The following SMYD4 variants were observed in gnomAD, a reference collection of about 807,000 sequenced individuals.
SMYD4 encodes the protein SET and MYND domain containing 4, also known as protein-lysine N-methyltransferase SMYD4.
A neutral mutation model predicts 72.8 loss-of-function variants in SMYD4; 68 were observed. The observed-to-expected ratio is 0.93, with a 90% CI of 0.77 to 1.14. The LOEUF (loss-of-function observed/expected upper bound fraction) is 1.14. Ranked by LOEUF, SMYD4 falls within the 50% of genes most tolerant of loss-of-function variation. SMYD4 has a pLI of 0.00. For missense variants in SMYD4, 984 were observed against 1,003.7 expected (o/e 0.98, Z 0.27); for synonymous variants, 407 against 388.6 (o/e 1.05, Z -0.56).
In SMYD4 at chr17:1,794,039, A is replaced by ATATATATGTG. The variant is rs1567770772; in HGVS notation, c.1537+5817_1537+5818insCACATATATA. 3.8e-3 allele frequency among the ~76,000 whole-genome samples: 260 copies of ATATATATGTG among 68,024 alleles called. 14 individuals carry two copies. Among genetic ancestry groups the ATATATATGTG allele is most frequent in the African/African-American group, 0.022 (248 of 11,424 alleles). 44.6% of individuals were successfully genotyped at this position (68,024 alleles called of 152,430 possible). A position where few individuals can be genotyped will look rare whatever the true frequency, so the allele number is the denominator to read the frequency against. On this transcript the variant is annotated intron_variant, in intron 5 of 10. Transcript: ENST00000305513. ...TATATATGTGTGTATATATATATGT[A>ATATATATGTG]TGTATATATATATGTGTGTATATAT... is the stretch of plus-strand genomic sequence containing the variant.
chr17:1,824,725 T>C (rs113203384), intron 2 of SMYD4, among the ~76,000 whole-genome samples: 2,800 of 152,246 alleles, frequency 0.018, 108 homozygotes, highest in African/African-American at 0.064. Context: ...GTTCAAGCAA[T>C]TCTCCTGTCT....
intron 2 of SMYD4, among the ~76,000 whole-genome samples, chr17:1,815,737 T>G (rs1009420584): frequency 6.6e-6 from 1 of 151,318 alleles, no homozygotes; most frequent in Non-Finnish European, 1.5e-5. Flanking sequence ...TCTCGCTCTG[T>G]CACCGAGGCT....
chr17:1,825,025 T>A (rs994042013), intron 2 of SMYD4, among the ~76,000 whole-genome samples: 1 of 152,210 alleles, frequency 6.6e-6, no homozygotes, highest in Non-Finnish European at 1.5e-5. Flanking sequence ...TCTTCCACCA[T>A]GATGGTAAGT....
At chr17:1,827,068 G>T (rs559991960) in intron 2 of SMYD4, among the ~76,000 whole-genome samples, 1 of 152,184 alleles carries the variant, frequency 6.6e-6, no homozygotes, top group South Asian at 2.1e-4. Context: ...CATGAGAATC[G>T]CTTGAACCCA....
chr17:1,784,564 G>T, intron 7 of SMYD4, 103 bp from the exon 8 acceptor site: 1 of 1,528,928 alleles, frequency 6.5e-7, no homozygotes, highest in Non-Finnish European at 8.8e-7. Flanking sequence ...CCTCATGGGG[G>T]AAAGAGACTC....
chr17:1,813,862 A>T (rs939669019), intron 2 of SMYD4, among the ~76,000 whole-genome samples: 1 of 152,206 alleles, frequency 6.6e-6, no homozygotes, highest in African/African-American at 2.4e-5. Context: ...AAATATACCT[A>T]TTTTCCAATA....
chr17:1,816,795 GGT>G (rs1463189540), intron 2 of SMYD4, among the ~76,000 whole-genome samples: 9 of 151,590 alleles, frequency 5.9e-5, no homozygotes, highest in Non-Finnish European at 1.5e-5. Context: ...CTGTGGTTTT[GGT>G]GTGTGTTTCT....
In SMYD4 at chr17:1,827,866, A is replaced by C; in HGVS notation, c.129T>G (p.Leu43=). 1.3e-6 allele frequency: 2 copies of C among 1,599,120 alleles called. No individual in the cohort carries two copies. The highest frequency in any genetic ancestry group is 1.7e-6 in the Non-Finnish European group (2 of 1,167,538). The change falls in exon 2 of 11, where the codon CTT becomes CTG. Residue 43 remains leucine (L), a synonymous_variant. Transcript: ENST00000305513. ...LRDIFLHSSS[L]LQPEDELFLK... The stretch of plus-strand genomic sequence containing the variant: ...TTAAAGCTTGATTTACTTACTGAAG[A>C]AGTGAAGAGGAGTGAAGAAAGATAT...
At chr17:1,820,033 C>T (rs564725029) in intron 2 of SMYD4, among the ~76,000 whole-genome samples, 2 of 152,024 alleles carry the variant, frequency 1.3e-5, no homozygotes, top group South Asian at 4.2e-4. Flanking sequence ...GGTGATCCAC[C>T]TGCCTTGGCT....
In SMYD4 at chr17:1,781,237, C is replaced by T. The variant is rs1182242276; in HGVS notation, c.*49G>A. The T allele has an allele frequency of 6.3e-7, 1 of 1,588,398 alleles. No individual in the cohort carries two copies. The highest frequency in any genetic ancestry group is 1.1e-5 in the South Asian group (1 of 87,516). On this transcript the variant is annotated 3_prime_UTR_variant, in exon 11 of 11. Coordinates refer to ENST00000305513, the MANE Select transcript of SMYD4 (RefSeq NM_052928.3). Reference sequence around the variant, plus strand: ...TACCTGGCCAGCAAAACCTCTTTAACTTGTGTTCCATGGGCTCCTTTTCTG... The same window carrying T: ...TACCTGGCCAGCAAAACCTCTTTAATTTGTGTTCCATGGGCTCCTTTTCTG...
Position 1,783,137 on chromosome 17 carries a change from G to C in SMYD4, c.2159C>G (p.Thr720Ser). ...AALGDWQKSATHLQRSLYVVE... is the reference protein window; with the variant it reads ...AALGDWQKSASHLQRSLYVVE... ...CACGTAGAGACTCCTCTGTAGATGGGTGGCTGACTTTTGCCAGTCTCCTGT... is the reference window on the plus strand; with the variant it reads ...CACGTAGAGACTCCTCTGTAGATGGCTGGCTGACTTTTGCCAGTCTCCTGT... The change falls in exon 10 of 11, where the codon ACC becomes AGC. Residue 720 changes from threonine to serine, a missense_variant. By Grantham distance (58) the Thr-to-Ser change is moderately conservative. Transcript: ENST00000305513. 1 of 1,614,182 alleles carries C rather than the reference G, an allele frequency of 6.2e-7. No homozygotes were observed. The highest frequency in any genetic ancestry group is 8.5e-7 in the Non-Finnish European group (1 of 1,180,030).
In SMYD4 at chr17:1,810,995, C is replaced by T. The variant is rs1305104193; in HGVS notation, c.279+976G>A. 9.8e-5 allele frequency among the ~76,000 whole-genome samples: 15 copies of T among 152,294 alleles called. No individual in the cohort carries two copies. In the East Asian group the frequency reaches 2.3e-3, roughly 24 times the overall value. On this transcript the variant is annotated intron_variant, in intron 3 of 10. Coordinates refer to ENST00000305513, the MANE Select transcript of SMYD4 (RefSeq NM_052928.3). ...TCATTCTTAAAGCCCACGTGTGATC[C>T]GATTCTTCCAGCACACCAAGGCAAG...
In SMYD4 at chr17:1,784,227, C is replaced by T. The variant is rs1269930815; in HGVS notation, c.2020+99G>A. On this transcript the variant is annotated intron_variant, in intron 8 of 10. Transcript: ENST00000305513. ...TGGCTGGCATGGGGATAATTACATC[C>T]AATTCTCCCATCAGTACTGAGTATC... is the stretch of plus-strand genomic sequence containing the variant. 7.2e-6 allele frequency: 11 copies of T among 1,527,242 alleles called. No homozygotes were observed. In the East Asian group the frequency reaches 2.5e-4, roughly 35 times the overall value. 94.6% of individuals were successfully genotyped at this position (1,527,242 alleles called of 1,614,324 possible).
In SMYD4 at chr17:1,800,967, G is replaced by T; in HGVS notation, c.427C>A (p.Pro143Thr). The part of the protein sequence containing the change: ...QTHGYPERLQ[P>T]KIMLRKAECL... ...TCTGCTTTACGTAACATAATCTTGGGTTGCAACCTTTCTGGATACCCATGT... is the reference window on the plus strand; with the variant it reads ...TCTGCTTTACGTAACATAATCTTGGTTTGCAACCTTTCTGGATACCCATGT... Residue 143 changes from proline (P) to threonine (T), a missense_variant, in exon 5 of 11, where the codon CCC (proline) becomes ACC (threonine). Coordinates refer to ENST00000305513, the MANE Select transcript of SMYD4 (RefSeq NM_052928.3). 6.2e-7 allele frequency: 1 copy of T among 1,614,020 alleles called. No individual in the cohort carries two copies. The highest frequency in any genetic ancestry group is 1.7e-5 in the Admixed American group (1 of 60,002).
intron 4 of SMYD4, among the ~76,000 whole-genome samples, chr17:1,803,263 C>A (rs1297651177): frequency 1.3e-5 from 2 of 152,172 alleles, no homozygotes; most frequent in Admixed American, 1.3e-4. Flanking sequence ...CAGGCAGACA[C>A]GGGCAGTTCA....
At chr17:1,799,697 T>C (rs923144160) in intron 5 of SMYD4, among the ~76,000 whole-genome samples, 160 bp downstream of exon 5, 2 of 152,152 alleles carry the variant, frequency 1.3e-5, no homozygotes, top group Admixed American at 1.3e-4. Context: ...TAAGGTCATA[T>C]AGCTTCTTAA....
At chr17:1,784,806 G>A (rs887795840) in intron 7 of SMYD4, among the ~76,000 whole-genome samples, 9 of 151,788 alleles carry the variant, frequency 5.9e-5, no homozygotes, top group African/African-American at 1.9e-4. Flanking sequence ...AGTCTCGCTC[G>A]GTCTCCAGGC....
intron 1 of SMYD4, chr17:1,829,428 C>G (rs1238724484): frequency 6.6e-6 from 1 of 152,428 alleles, no homozygotes; most frequent in East Asian, 1.9e-4. Context: ...GGGACGGCGT[C>G]CCTGATTTCC....
chr17:1,825,806 T>G (rs1364241263), intron 2 of SMYD4, among the ~76,000 whole-genome samples: 1 of 151,818 alleles, frequency 6.6e-6, no homozygotes, highest in Admixed American at 6.6e-5. Context: ...CCCAACCTCA[T>G]CTTCTTTTAT....
Sources: allele counts gnomAD v4.1 joint callset (sites outside exome capture counted in the v4.1 genomes callset), GRCh38; gene constraint gnomAD v4.1.1; transcripts MANE v1.5; gene names NCBI Gene and HGNC (gene_info 2026-07-23, HGNC 2026-07-21).